Variants in SYNE2 observed in about 807,000 individuals in gnomAD.
SYNE2 encodes nesprin-2.
In SYNE2, 431 loss-of-function variants were observed where a neutral mutation model predicts 856.3. The observed-to-expected ratio is 0.50, with a 90% CI of 0.47 to 0.55. SYNE2 has a LOEUF of 0.55. SYNE2 is among the 20% of genes least tolerant of loss of function. The pLI, the probability that SYNE2 is intolerant of heterozygous loss-of-function variation, is 0.00. For synonymous variants in SYNE2, 2,923 were observed against 2,872.3 expected (o/e 1.02, Z -0.56); for missense variants, 8,129 against 8,023.2 (o/e 1.01, Z -0.50).
chr14:64,166,509 A>C (rs1381056072), intron 90 of SYNE2, among the ~76,000 whole-genome samples: 1 of 152,224 alleles, frequency 6.6e-6, no homozygotes, highest in Non-Finnish European at 1.5e-5. Flanking sequence ...TGTTCTATCA[A>C]AATATGGGTG....
chr14:63,866,015 GT>G (rs1895210973), intron 1 of SYNE2, among the ~76,000 whole-genome samples: 1 of 151,972 alleles, frequency 6.6e-6, no homozygotes, highest in Admixed American at 6.6e-5. Context: ...TCAGACTATA[GT>G]TTTGAGATTT....
chr14:63,967,156 G>A (rs1244057333), intron 10 of SYNE2, among the ~76,000 whole-genome samples: 12 of 152,066 alleles, frequency 7.9e-5, no homozygotes, highest in South Asian at 6.2e-4. Flanking sequence ...GAGCCACCGC[G>A]CCTGGCCTGA....
chr14:64,138,550 T>C (rs2098114389), intron 79 of SYNE2, among the ~76,000 whole-genome samples: 1 of 152,140 alleles, frequency 6.6e-6, no homozygotes, highest in Non-Finnish European at 1.5e-5. Flanking sequence ...CACATTTCTA[T>C]AGAAGCTAGG....
intron 21 of SYNE2, among the ~76,000 whole-genome samples, chr14:63,992,880 G>C (rs1034691297): frequency 5.9e-5 from 9 of 152,138 alleles, no homozygotes; most frequent in Non-Finnish European, 1.3e-4. Context: ...CCTGCAGCCG[G>C]TCCATAAAAA....
intron 1 of SYNE2, among the ~76,000 whole-genome samples, chr14:63,890,208 G>A (rs1389266906): frequency 2.6e-5 from 4 of 151,922 alleles, no homozygotes; most frequent in Admixed American, 6.6e-5. Context: ...GACTACAGGC[G>A]TGGGCCACCA....
At chr14:64,036,816 C>CATCT (rs1320662468) in intron 45 of SYNE2, among the ~76,000 whole-genome samples, 1 of 152,152 alleles carries the variant, frequency 6.6e-6, no homozygotes, top group Non-Finnish European at 1.5e-5. Context: ...TTCATCTGTA[C>CATCT]ATCTACTCAG....
chr14:63,764,362 C>A (rs1886594747), intron 1 of SYNE2, among the ~76,000 whole-genome samples: 1 of 152,124 alleles, frequency 6.6e-6, no homozygotes, highest in Non-Finnish European at 1.5e-5. Context: ...ACAGCTGAGG[C>A]TAAGAAGTTC....
At chr14:63,944,305 T>TATATATATATATATATAA (rs1351171279) in intron 6 of SYNE2, among the ~76,000 whole-genome samples, 24 of 129,682 alleles carry the variant, frequency 1.9e-4, no homozygotes, top group African/African-American at 6.9e-4. Context: ...TATATATATA[T>TATATATATATATATATAA]ATAAATAAAT....
At chr14:64,010,931 G>T (rs940672806) in intron 32 of SYNE2, among the ~76,000 whole-genome samples, 2 of 152,182 alleles carry the variant, frequency 1.3e-5, no homozygotes, top group Non-Finnish European at 2.9e-5. Context: ...GAGTCACCAC[G>T]CCTGGCCTTT....
At chr14:63,825,392 C>T (rs1889388528) in intron 1 of SYNE2, among the ~76,000 whole-genome samples, 1 of 151,800 alleles carries the variant, frequency 6.6e-6, no homozygotes, top group Non-Finnish European at 1.5e-5. Context: ...AATGTGTTTA[C>T]CAAGGTTGCA....
chr14:63,797,688 C>A (rs113856102), intron 1 of SYNE2, among the ~76,000 whole-genome samples: 1 of 152,216 alleles, frequency 6.6e-6, no homozygotes, highest in Admixed American at 6.5e-5. Flanking sequence ...GTGATCCACC[C>A]GCCTTGGCCT....
At chr14:63,912,669 C>T (rs1383617917) in intron 2 of SYNE2, among the ~76,000 whole-genome samples, 3 of 152,100 alleles carry the variant, frequency 2.0e-5, no homozygotes, top group Non-Finnish European at 4.4e-5. Flanking sequence ...TAAGGTGAGA[C>T]AATTGTGGCA....
intron 96 of SYNE2, among the ~76,000 whole-genome samples, chr14:64,185,420 T>C (rs1043184809): frequency 4.6e-5 from 7 of 152,092 alleles, no homozygotes; most frequent in African/African-American, 1.4e-4. Flanking sequence ...TCCTTTTACC[T>C]TCCCTGCTGT....
At chr14:63,931,641 ATAAG>A (rs1471226092) in intron 2 of SYNE2, among the ~76,000 whole-genome samples, 1 of 152,160 alleles carries the variant, frequency 6.6e-6, no homozygotes, top group African/African-American at 2.4e-5. Context: ...CCTCCATCTA[ATAAG>A]TAAGTTTTAT....
chr14:64,209,594 A>T lies in SYNE2; in HGVS notation c.18540+16A>T, dbSNP rs766100547. 6.2e-7 allele frequency: 1 copy of T among 1,613,628 alleles called. No homozygotes were observed. The highest frequency in any genetic ancestry group is 1.1e-5 in the South Asian group (1 of 91,038). ...GAGGTTTGAGGTAAACACCTTCTCC[A>T]TCCCGGTCTCCTGATCATAACCAAG... On this transcript the variant is annotated intron_variant, in intron 102 of 115. Coordinates refer to ENST00000555002, the MANE Select transcript of SYNE2 (RefSeq NM_182914.3).
At chr14:63,818,621 T>C (rs1889097153) in intron 1 of SYNE2, among the ~76,000 whole-genome samples, 2 of 151,916 alleles carry the variant, frequency 1.3e-5, no homozygotes, top group Non-Finnish European at 2.9e-5. Flanking sequence ...GATAATATCA[T>C]GAATGGTAAA....
intron 45 of SYNE2, among the ~76,000 whole-genome samples, chr14:64,035,281 T>G (rs1203178402): frequency 6.6e-6 from 1 of 152,092 alleles, no homozygotes; most frequent in Non-Finnish European, 1.5e-5. Context: ...AGAAGGAAAC[T>G]ACTTACTGGA....
At chr14:63,899,621 C>T (rs942072976) in intron 1 of SYNE2, among the ~76,000 whole-genome samples, 2 of 152,190 alleles carry the variant, frequency 1.3e-5, no homozygotes, top group Admixed American at 6.5e-5. Flanking sequence ...CCTGCCTCAG[C>T]CTCCCAAGTA....
intron 21 of SYNE2, among the ~76,000 whole-genome samples, chr14:63,992,317 C>T (rs770153911): frequency 6.6e-6 from 1 of 151,970 alleles, no homozygotes; most frequent in Non-Finnish European, 1.5e-5. Context: ...CACTCTGTCA[C>T]CCAGGCTGGA....
Sources: gnomAD v4.1 joint callset for allele counts (sites outside exome capture counted in the v4.1 genomes callset) on GRCh38, gnomAD v4.1.1 for gene constraint, MANE v1.5 for transcripts, NCBI Gene and HGNC (gene_info 2026-07-23, HGNC 2026-07-21) for gene names.